FGF9: variants seen among roughly 807,000 people sequenced by gnomAD.
The protein encoded by FGF9 is fibroblast growth factor 9.
FGF9 carries 3 observed loss-of-function variants against 19.9 expected under a neutral mutation model. The observed-to-expected ratio is 0.15, with a 90% CI of 0.07 to 0.39. FGF9 has a LOEUF of 0.39. FGF9 is among the 10% of genes least tolerant of loss of function. The pLI is 1.00. For missense variants in FGF9, 175 were observed against 256.8 expected (o/e 0.68, Z 2.18); for synonymous variants, 107 against 106.9 (o/e 1.00, Z -0.01).
At chr13:21,685,309 G>A (rs1199505855) in intron 2 of FGF9, among the ~76,000 whole-genome samples, 4 of 152,098 alleles carry the variant, frequency 2.6e-5, no homozygotes, top group African/African-American at 4.8e-5. Context: ...CATTTAAAGC[G>A]TATTTTCCTA....
In FGF9 at chr13:21,691,855, G is replaced by T. The variant is rs1201520773; in HGVS notation, c.382-9335G>T. Among the ~76,000 whole-genome samples, 1 of 152,178 alleles carries T rather than the reference G, an allele frequency of 6.6e-6. No homozygotes were observed. The highest frequency in any genetic ancestry group is 1.9e-4 in the East Asian group (1 of 5,202). ...TGTCTGCATCCCTGACACCCCCGTT[G>T]CAGAGGGCTTCCCCCGAGGACTAAA... On this transcript the variant is annotated intron_variant, in intron 2 of 2. Transcript: ENST00000382353. The surrounding 1 kb of genome is among the most constrained non-coding windows in gnomAD (Gnocchi z 4.2).
chr13:21,675,539 C>G (rs911114495), intron 1 of FGF9, among the ~76,000 whole-genome samples: 7 of 152,128 alleles, frequency 4.6e-5, no homozygotes, highest in Middle Eastern at 3.4e-3. Flanking sequence ...TCTGGCACAC[C>G]TGGCGCTCCC....
rs1183749523 is a variant in FGF9 at position 21,691,476 on chromosome 13, C to T, written c.382-9714C>T. 1.3e-5 allele frequency among the ~76,000 whole-genome samples: 2 copies of T among 152,218 alleles called. No homozygotes were observed. Among genetic ancestry groups the T allele is most frequent in the Non-Finnish European group, 2.9e-5 (2 of 68,038 alleles). On this transcript the variant is annotated intron_variant, in intron 2 of 2. Transcript: ENST00000382353. This position sits in a 1 kb window ranked among gnomAD's most constrained non-coding sequence, Gnocchi z 4.2. ...AAACATGGAGGCTTCTGGATGTCTC[C>T]GGATTCTGTGGTCTTTCCTCTGTCC...
At chr13:21,700,195 A>G (rs1872509708) in intron 2 of FGF9, among the ~76,000 whole-genome samples, 1 of 152,134 alleles carries the variant, frequency 6.6e-6, no homozygotes, top group Non-Finnish European at 1.5e-5. Flanking sequence ...ATCTGGATCA[A>G]TGCACGTTTC....
chr13:21,699,614 A>G (rs1205875177), intron 2 of FGF9, among the ~76,000 whole-genome samples: 1 of 152,174 alleles, frequency 6.6e-6, no homozygotes, highest in Non-Finnish European at 1.5e-5. Flanking sequence ...TTACTCTGCA[A>G]GGAGTTGGGG....
Position 21,704,174 on chromosome 13 carries a change from G to A in FGF9, c.*2739G>A, listed in dbSNP as rs938753704. 7 of 152,156 alleles carry A rather than the reference G, an allele frequency of 4.6e-5. No individual in the cohort carries two copies. In the South Asian group the frequency reaches 8.3e-4, roughly 18 times the overall value. 9.4% of individuals were successfully genotyped at this position (152,156 alleles called of 1,614,324 possible). ...GGGGGTTCTGGTTTCACAAACAGAT[G>A]CTTAGATAGCCAAACCACTGTCTTG... On this transcript the variant is annotated 3_prime_UTR_variant, in exon 3 of 3. Transcript: ENST00000382353.
intron 1 of FGF9, among the ~76,000 whole-genome samples, chr13:21,674,827 G>A (rs1452867804): frequency 4.6e-5 from 7 of 151,884 alleles, no homozygotes; most frequent in Non-Finnish European, 1.0e-4. Context: ...GGGGCCACGC[G>A]GGAGGGGAGG....
chr13:21,700,771 AT>A (rs1343861024), intron 2 of FGF9, among the ~76,000 whole-genome samples: 2 of 152,190 alleles, frequency 1.3e-5, no homozygotes, highest in Admixed American at 6.5e-5. Context: ...CATTCAAATG[AT>A]TGGTATGTGC....
Position 21,691,488 on chromosome 13 carries a change from TCTTTC to T in FGF9, c.382-9699_382-9695del. 6.6e-6 allele frequency among the ~76,000 whole-genome samples: 1 copy of T among 152,188 alleles called. No homozygotes were observed. The highest frequency in any genetic ancestry group is 1.9e-4 in the East Asian group (1 of 5,186). On this transcript the variant is annotated intron_variant, in intron 2 of 2. Coordinates refer to ENST00000382353, the MANE Select transcript of FGF9 (RefSeq NM_002010.3). This position sits in a 1 kb window ranked among gnomAD's most constrained non-coding sequence, Gnocchi z 4.2. ...TTCTGGATGTCTCCGGATTCTGTGGTCTTTCCTCTGTCCCTGCCTCATCTGCCTCA... is the reference window on the plus strand; with the variant it reads ...TTCTGGATGTCTCCGGATTCTGTGGTCTCTGTCCCTGCCTCATCTGCCTCA...
chr13:21,697,794 A>G (rs1872443429), intron 2 of FGF9, among the ~76,000 whole-genome samples: 1 of 151,456 alleles, frequency 6.6e-6, no homozygotes, highest in Non-Finnish European at 1.5e-5. Flanking sequence ...ATTTTGAAAT[A>G]GACACATAGG....
At chr13:21,673,882 G>A (rs969041295) in intron 1 of FGF9, 4 of 151,330 alleles carry the variant, frequency 2.6e-5, no homozygotes, top group Admixed American at 1.3e-4. Flanking sequence ...GGCGCACTTA[G>A]CGGCTGCCCG....
At chr13:21,685,603 T>C (rs1872139238) in intron 2 of FGF9, among the ~76,000 whole-genome samples, 1 of 152,256 alleles carries the variant, frequency 6.6e-6, no homozygotes, top group South Asian at 2.1e-4. Flanking sequence ...ATCCGTTCAT[T>C]CATTTGCTTA....
intron 2 of FGF9, among the ~76,000 whole-genome samples, chr13:21,687,253 G>A (rs541712087): frequency 6.6e-6 from 1 of 152,258 alleles, no homozygotes; most frequent in South Asian, 2.1e-4. Flanking sequence ...CAGGTGGCAG[G>A]AGCCCTGTAG....
Position 21,680,973 on chromosome 13 carries a change from G to A in FGF9, c.278-69G>A, listed in dbSNP as rs913825233. 5.8e-6 allele frequency: 7 copies of A among 1,198,036 alleles called. No homozygotes were observed. In the Middle Eastern group the frequency reaches 7.4e-4, roughly 127 times the overall value. The allele number at this position is 1,198,036 out of a possible 1,614,324, so 74.2% of individuals were successfully genotyped here. A position where few individuals can be genotyped will look rare whatever the true frequency, so the allele number is the denominator to read the frequency against. On this transcript the variant is annotated intron_variant, in intron 1 of 2. Transcript: ENST00000382353. ...CTTAGTGTCCTCTCCAAAACCCCAGGGATGCTGGGACTCTAAGGACATGCT... is the reference window on the plus strand; with the variant it reads ...CTTAGTGTCCTCTCCAAAACCCCAGAGATGCTGGGACTCTAAGGACATGCT...
chr13:21,698,420 G>GT (rs1205989140), intron 2 of FGF9, among the ~76,000 whole-genome samples: 1 of 152,200 alleles, frequency 6.6e-6, no homozygotes, highest in East Asian at 1.9e-4. Context: ...GTTCAGCACT[G>GT]CTCTCTGATT....
At position 21,703,812 on chromosome 13, in the gene FGF9, A is replaced by G. The variant is rs938687463; in HGVS notation, c.*2377A>G. 6.6e-6 allele frequency: 1 copy of G among 152,182 alleles called. No individual in the cohort carries two copies. The highest frequency in any genetic ancestry group is 2.4e-5 in the African/African-American group (1 of 41,440). The allele number at this position is 152,182 out of a possible 1,614,324, so 9.4% of individuals were successfully genotyped here. On this transcript the variant is annotated 3_prime_UTR_variant, in exon 3 of 3. Transcript: ENST00000382353. The stretch of plus-strand genomic sequence containing the variant: ...ACCTAAAAGAAAGAAAATTGTGAAA[A>G]AGACAAAAATCTTCATGCATTCCTA...
At chr13:21,679,019 G>A (rs2138132204) in intron 1 of FGF9, among the ~76,000 whole-genome samples, 1 of 152,264 alleles carries the variant, frequency 6.6e-6, no homozygotes, top group African/African-American at 2.4e-5. Context: ...CAAAAAGGGA[G>A]TGCATCTCAT....
intron 1 of FGF9, among the ~76,000 whole-genome samples, chr13:21,675,827 C>T (rs1437593043): frequency 2.0e-5 from 3 of 152,006 alleles, no homozygotes; most frequent in Admixed American, 6.5e-5. Flanking sequence ...TTGGCAGTGA[C>T]ACAGCAGCAG....
chr13:21,699,749 G>T (rs185652707), intron 2 of FGF9, among the ~76,000 whole-genome samples: 1 of 152,262 alleles, frequency 6.6e-6, no homozygotes, highest in Admixed American at 6.5e-5. Context: ...TGTCCCCTGG[G>T]TCTGAATGAC....
Sources: gnomAD v4.1 joint callset for allele counts (sites outside exome capture counted in the v4.1 genomes callset) on GRCh38, gnomAD v4.1.1 for gene constraint, Gnocchi (gnomAD v3.1) non-coding constraint, MANE v1.5 for transcripts, NCBI Gene and HGNC (gene_info 2026-07-23, HGNC 2026-07-21) for gene names.